NXPE2: variants seen among roughly 807,000 people sequenced by gnomAD.
NXPE2 encodes neurexophilin and PC-esterase domain family member 2, also known as NXPE family member 2.
Under a neutral mutation model 34.4 loss-of-function variants are expected in NXPE2, and 34 were observed. The observed-to-expected ratio is 0.99, with a 90% confidence interval of 0.75 to 1.31. NXPE2 has a LOEUF of 1.31. Among genes scored for constraint, NXPE2 ranks in the 40% most tolerant of loss-of-function variants. The probability of loss-of-function intolerance (pLI) is 0.00; values close to 1 mark genes in which losing one functional copy is unlikely to be tolerated. For synonymous variants in NXPE2, 235 were observed against 231.3 expected, an observed-to-expected ratio of 1.02 and a Z score of -0.15; for missense variants, 649 against 672.5, an observed-to-expected ratio of 0.97 and a Z score of 0.39.
intron 1 of NXPE2, 67 bp downstream of exon 1, chr11:114,678,668 T>C (rs1343665873): frequency 7.8e-7 from 1 of 1,287,424 alleles, no homozygotes; most frequent in African/African-American, 1.5e-5. Flanking sequence ...CTATAGACCA[T>C]TTGGTGTTTT....
chr11:114,500,617 C>T, the NXPE2 span, among the ~76,000 whole-genome samples: 1 of 152,056 alleles, frequency 6.6e-6, no homozygotes, highest in Admixed American at 6.6e-5. Context: ...AGTTTTAATG[C>T]AGTTCATTTT....
At chr11:114,540,837 CTTTTTTTTTTTTTTTTTTTTTTTTTTT>C in the NXPE2 span, among the ~76,000 whole-genome samples, 149 of 47,464 alleles carry the variant, frequency 3.1e-3, 1 homozygote, top group South Asian at 0.017. Flanking sequence ...AGAAAGCCAT[CTTTTTTTTTTTTTTTTTTTTTTTTTTT>C]TTTTTTTTTT....
At chr11:114,536,059 G>T in the NXPE2 span, among the ~76,000 whole-genome samples, 1 of 152,126 alleles carries the variant, frequency 6.6e-6, no homozygotes, top group South Asian at 2.1e-4. Flanking sequence ...AAATGTAAAA[G>T]AACAGAAATT....
At chr11:114,540,797 A>G in the NXPE2 span, among the ~76,000 whole-genome samples, 1 of 129,318 alleles carries the variant, frequency 7.7e-6, no homozygotes, top group Non-Finnish European at 1.6e-5. Flanking sequence ...GCCTGAGGGC[A>G]GTCTACTAGC....
At chr11:114,526,866 T>C in the NXPE2 span, among the ~76,000 whole-genome samples, 6 of 152,260 alleles carry the variant, frequency 3.9e-5, no homozygotes, top group East Asian at 1.2e-3. Context: ...TCATATTCAT[T>C]TGATTCCCTG....
chr11:114,601,693 T>A, the NXPE2 span, among the ~76,000 whole-genome samples: 2 of 69,938 alleles, frequency 2.9e-5, no homozygotes, highest in African/African-American at 1.2e-4. Flanking sequence ...ATTATATATA[T>A]TTATAATTCT....
chr11:114,740,765 A>G, the NXPE2 span, among the ~76,000 whole-genome samples: 1 of 152,168 alleles, frequency 6.6e-6, no homozygotes, highest in Non-Finnish European at 1.5e-5. Flanking sequence ...AAAGTAAGGT[A>G]TTGAAGTCCA....
the NXPE2 span, among the ~76,000 whole-genome samples, chr11:114,535,192 G>A: frequency 6.6e-6 from 1 of 152,194 alleles, no homozygotes; most frequent in East Asian, 1.9e-4. Flanking sequence ...AGCTTCATAA[G>A]TGAAGGAGAA....
At chr11:114,624,308 A>T in the NXPE2 span, among the ~76,000 whole-genome samples, 1 of 152,082 alleles carries the variant, frequency 6.6e-6, no homozygotes, top group Non-Finnish European at 1.5e-5. Context: ...GTGGATAATA[A>T]GTGTTGCCTC....
chr11:114,601,848 A>AT, the NXPE2 span, among the ~76,000 whole-genome samples: 1 of 46,480 alleles, frequency 2.2e-5, no homozygotes, highest in Non-Finnish European at 3.6e-5. Flanking sequence ...ATATAATATA[A>AT]AATATATAAT....
At chr11:114,504,036 G>C in the NXPE2 span, among the ~76,000 whole-genome samples, 7 of 152,180 alleles carry the variant, frequency 4.6e-5, no homozygotes, top group Non-Finnish European at 1.0e-4. Flanking sequence ...CAGAGAGGTG[G>C]CCTCTATGGC....
chr11:114,737,358 G>T, the NXPE2 span, among the ~76,000 whole-genome samples: 3 of 152,040 alleles, frequency 2.0e-5, no homozygotes, highest in South Asian at 4.1e-4. Context: ...TGGGTTTGGG[G>T]CATTAGCGGA....
chr11:114,521,903 T>C, the NXPE2 span: 17 of 1,244,044 alleles, frequency 1.4e-5, 1 homozygote, highest in Non-Finnish European at 1.9e-5. Context: ...TAAAACTTAC[T>C]TTACAATACA....
the NXPE2 span, among the ~76,000 whole-genome samples, chr11:114,633,282 T>G: frequency 7.2e-6 from 1 of 138,944 alleles, no homozygotes; most frequent in South Asian, 2.2e-4. Context: ...TATTATGTTA[T>G]ATTATAAAAT....
chr11:114,530,923 A>T, the NXPE2 span: 1 of 1,586,712 alleles, frequency 6.3e-7, no homozygotes. Context: ...AATGACAAGG[A>T]TTGTGATATA....
At chr11:114,471,322 GA>G in the NXPE2 span, among the ~76,000 whole-genome samples, 1 of 152,168 alleles carries the variant, frequency 6.6e-6, no homozygotes, top group East Asian at 1.9e-4. Context: ...TGTGAGGTAT[GA>G]ATTGAAGTTC....
chr11:114,535,889 C>A, the NXPE2 span, among the ~76,000 whole-genome samples: 2 of 152,142 alleles, frequency 1.3e-5, no homozygotes, highest in Admixed American at 6.5e-5. Context: ...AGAAAGTTAA[C>A]AAGGATATAC....
the NXPE2 span, among the ~76,000 whole-genome samples, chr11:114,765,150 T>C: frequency 6.6e-6 from 1 of 152,342 alleles, no homozygotes; most frequent in African/African-American, 2.4e-5. Flanking sequence ...TCCTGTTTCC[T>C]GGTGAACTCT....
the NXPE2 span, among the ~76,000 whole-genome samples, chr11:114,744,407 T>G: frequency 6.6e-6 from 1 of 152,046 alleles, no homozygotes; most frequent in Non-Finnish European, 1.5e-5. Context: ...CTTACCAGTT[T>G]AACAACATAA....
Sources: allele counts gnomAD v4.1 joint callset (sites outside exome capture counted in the v4.1 genomes callset), GRCh38; gene constraint gnomAD v4.1.1; transcripts MANE v1.5; gene names NCBI Gene and HGNC (gene_info 2026-07-23, HGNC 2026-07-21).